The following AKAP13 variants were observed in gnomAD, a reference collection of about 807,000 sequenced individuals.
The protein encoded by AKAP13 is A-kinase anchor protein 13.
AKAP13 carries 80 observed loss-of-function variants against 264.5 expected under a neutral mutation model. That is an observed-to-expected ratio of 0.30 (90% confidence interval 0.25 to 0.36). The LOEUF (loss-of-function observed/expected upper bound fraction) is 0.36, where lower values mean the gene tolerates loss of function less well. AKAP13 is among the 10% of genes least tolerant of loss of function. The pLI is 1.00. For synonymous variants in AKAP13, 1,380 were observed against 1,250.2 expected, an observed-to-expected ratio of 1.10 and a Z score of -2.19; for missense variants, 3,712 against 3,435.2, an observed-to-expected ratio of 1.08 and a Z score of -2.01.
Position 85,743,374 on chromosome 15 carries a change from G to A in AKAP13, c.8059-118G>A, listed in dbSNP as rs145587740. ...CACAGACGTGAGCTCTGTAGAGTTC[G>A]CAGAGGTGGGTAAGTACCCAGCCAG... On this transcript the variant is annotated intron_variant, in intron 35 of 36. Transcript: ENST00000394518. The A allele has an allele frequency of 1.2e-3, 1,265 of 1,071,028 alleles. 1 individual carries two copies. The highest frequency in any genetic ancestry group is 3.2e-3 in the Admixed American group (131 of 40,592). 66.3% of individuals were successfully genotyped at this position (1,071,028 alleles called of 1,614,324 possible).
At chr15:85,475,818 A>G (rs1043366036) in intron 1 of AKAP13, among the ~76,000 whole-genome samples, 5 of 152,264 alleles carry the variant, frequency 3.3e-5, no homozygotes, top group South Asian at 4.1e-4. Flanking sequence ...CCATCAAACT[A>G]TGGTGCAGCA....
chr15:85,613,453 G>A (rs1020373863), intron 8 of AKAP13, among the ~76,000 whole-genome samples: 15 of 151,886 alleles, frequency 9.9e-5, no homozygotes, highest in South Asian at 2.1e-4. Flanking sequence ...AGTCCAAGGC[G>A]GGTGGATCAC....
chr15:85,443,125 T>G (rs2073769042), intron 1 of AKAP13, among the ~76,000 whole-genome samples: 1 of 151,984 alleles, frequency 6.6e-6, no homozygotes, highest in East Asian at 1.9e-4. Context: ...GAAAGATAGT[T>G]CTCCCCCCAC....
At chr15:85,397,800 A>G (rs993506559) in intron 1 of AKAP13, among the ~76,000 whole-genome samples, 1 of 152,254 alleles carries the variant, frequency 6.6e-6, no homozygotes, top group African/African-American at 2.4e-5. Flanking sequence ...TAAACAAAAT[A>G]AGATGTAGTC....
At chr15:85,735,676 C>T in intron 32 of AKAP13, 46 bp downstream of exon 32, 1 of 1,538,584 alleles carries the variant, frequency 6.5e-7, no homozygotes. Context: ...GCACTTTCCT[C>T]TGAATTCATA....
intron 29 of AKAP13, among the ~76,000 whole-genome samples, chr15:85,729,313 C>CA (rs200239291): frequency 0.017 from 2,526 of 149,916 alleles, 68 homozygotes; most frequent in East Asian, 0.089. Flanking sequence ...GACTCTGTCT[C>CA]AAAAAAAAAG....
At position 85,554,106 on chromosome 15, in the gene AKAP13, T is replaced by C. The variant is rs577544622; in HGVS notation, c.662+10151T>C. ...TGTATTGGTGGTGCTGCCTCACTGA[T>C]AGTGATGGTAGCCCTGTAATCACTT... On this transcript the variant is annotated intron_variant, in intron 5 of 36. Coordinates refer to ENST00000394518, the MANE Select transcript of AKAP13 (RefSeq NM_007200.5). Among the ~76,000 whole-genome samples the C allele has an allele frequency of 2.6e-5, 4 of 152,318 alleles. No individual in the cohort carries two copies. In the South Asian group the frequency reaches 8.3e-4, roughly 32 times the overall value.
At chr15:85,667,836 C>T (rs1292653707) in intron 13 of AKAP13, among the ~76,000 whole-genome samples, 1 of 152,056 alleles carries the variant, frequency 6.6e-6, no homozygotes, top group African/African-American at 2.4e-5. Flanking sequence ...TATGTGATAC[C>T]TTTTCTAAGA....
chr15:85,713,543 C>T (rs971402008), intron 19 of AKAP13, among the ~76,000 whole-genome samples: 1 of 147,432 alleles, frequency 6.8e-6, no homozygotes, highest in East Asian at 2.0e-4. Flanking sequence ...CTCTTTTCTA[C>T]CCACTTGCTC....
At chr15:85,738,277 A>G (rs1207147054) in intron 33 of AKAP13, among the ~76,000 whole-genome samples, 2 of 151,878 alleles carry the variant, frequency 1.3e-5, no homozygotes, top group Non-Finnish European at 2.9e-5. Context: ...CTGTAATCCC[A>G]GCTACTCAGG....
chr15:85,566,519 G>A (rs1567128822), intron 5 of AKAP13, among the ~76,000 whole-genome samples: 1 of 152,090 alleles, frequency 6.6e-6, no homozygotes, highest in South Asian at 2.1e-4. Flanking sequence ...CACTTAATAG[G>A]TGTTCAGTAA....
At chr15:85,431,029 C>T (rs1287478109) in intron 1 of AKAP13, among the ~76,000 whole-genome samples, 1 of 152,106 alleles carries the variant, frequency 6.6e-6, no homozygotes, top group Non-Finnish European at 1.5e-5. Context: ...GTAGGTTGTT[C>T]TGGTGATAAT....
At chr15:85,617,984 A>T (rs1174320871) in intron 8 of AKAP13, among the ~76,000 whole-genome samples, 1 of 152,208 alleles carries the variant, frequency 6.6e-6, no homozygotes, top group Non-Finnish European at 1.5e-5. Flanking sequence ...GTTTCACTGC[A>T]CATGTTGGTA....
chr15:85,492,458 T>C (rs149191637), intron 2 of AKAP13, among the ~76,000 whole-genome samples: 4 of 152,356 alleles, frequency 2.6e-5, no homozygotes, highest in Non-Finnish European at 4.4e-5. Context: ...TCAACTCTTG[T>C]TAAATTTAGT....
chr15:85,579,893 G>T lies in AKAP13; in HGVS notation c.1825G>T (p.Ala609Ser), dbSNP rs747919838. The change falls in exon 7 of 37, where the codon GCA becomes TCA. Residue 609 changes from alanine to serine, a missense_variant. Coordinates refer to ENST00000394518, the MANE Select transcript of AKAP13 (RefSeq NM_007200.5). The part of the protein sequence containing the change: ...DGLEPYTLLA[A>S]GIGEAMSPSD... ...ATTAGAACCTTATACTCTCTTAGCA[G>T]CAGGCATAGGTGAGGCAATGTCACC... 8.1e-6 allele frequency: 13 copies of T among 1,614,220 alleles called. No individual in the cohort carries two copies. In the East Asian group the frequency reaches 2.5e-4, roughly 30 times the overall value.
intron 8 of AKAP13, among the ~76,000 whole-genome samples, chr15:85,614,584 T>C (rs2080854736): frequency 6.6e-6 from 1 of 152,256 alleles, no homozygotes; most frequent in South Asian, 2.1e-4. Context: ...TAAAATCAAA[T>C]GTAGGGATAT....
intron 1 of AKAP13, among the ~76,000 whole-genome samples, chr15:85,417,974 A>C (rs993238395): frequency 1.3e-5 from 2 of 151,880 alleles, no homozygotes; most frequent in Non-Finnish European, 1.5e-5. Context: ...TCAATATATA[A>C]AAGTTCATTT....
intron 5 of AKAP13, among the ~76,000 whole-genome samples, chr15:85,568,526 C>T (rs778759806): frequency 6.6e-6 from 1 of 152,140 alleles, no homozygotes; most frequent in Non-Finnish European, 1.5e-5. Flanking sequence ...TGGAAAAGAA[C>T]ATCGGTGAAT....
rs1313715503 is a variant in AKAP13 at position 85,543,913 on chromosome 15, C to T, written c.620C>T (p.Ala207Val). ...GAAGGGGCGACGCCTGTGAGCTTGG[C>T]CTTGGAGCGAGGCTATCACAAGCTG... ...NQEGATPVSL[A>V]LERGYHKLHQ... is the part of the protein sequence containing the mutation. The change falls in exon 5 of 37, where the codon GCC (alanine) becomes GTC (valine). Residue 207 changes from alanine to valine, a missense_variant. This residue lies in a region of AKAP13 where 2,759 missense variants were observed against 2,411.7 expected (regional missense o/e 1.14). Transcript: ENST00000394518. The T allele has an allele frequency of 1.2e-6, 2 of 1,613,812 alleles. No homozygotes were observed. The highest frequency in any genetic ancestry group is 1.7e-5 in the Admixed American group (1 of 59,984).
Sources: allele counts gnomAD v4.1 joint callset (sites outside exome capture counted in the v4.1 genomes callset), GRCh38; gene constraint gnomAD v4.1.1; regional missense constraint gnomAD v4.1.1; transcripts MANE v1.5; gene names NCBI Gene and HGNC (gene_info 2026-07-23, HGNC 2026-07-21).